The following DISP3 variants were observed in gnomAD, a reference collection of about 807,000 sequenced individuals.
The protein encoded by DISP3 is dispatched RND transporter family member 3.
DISP3 carries 101 observed loss-of-function variants against 135.3 expected under a neutral mutation model. That is an observed-to-expected ratio of 0.75 (90% CI 0.64 to 0.88). DISP3 has a LOEUF of 0.88. DISP3 is among the 40% of genes least tolerant of loss of function. DISP3 has a pLI of 0.00. For synonymous variants in DISP3, 856 were observed against 817.0 expected (o/e 1.05, Z -0.81); for missense variants, 1,713 against 1,878.6 (o/e 0.91, Z 1.63).
At position 11,517,492 on chromosome 1, in the gene DISP3, C is replaced by G. The variant is rs1165117897; in HGVS notation, c.1779C>G (p.Phe593Leu). ...QIPAVHDFGL[F>L]MSLIVSCCWL... is the part of the protein sequence containing the mutation. ...CAGCCGTCCACGACTTTGGCCTGTT[C>G]ATGTCTCTCATCGTGTCCTGTTGCT... Residue 593 changes from phenylalanine to leucine, a missense_variant, in exon 7 of 21, where the codon TTC becomes TTG. Phe to Leu is a conservative substitution (Grantham distance 22, BLOSUM62 0). Coordinates refer to ENST00000294484, the MANE Select transcript of DISP3 (RefSeq NM_020780.2). 1 of 1,614,118 alleles carries G rather than the reference C, an allele frequency of 6.2e-7. No individual in the cohort carries two copies. The highest frequency in any genetic ancestry group is 8.5e-7 in the Non-Finnish European group (1 of 1,180,058).
chr1:11,489,258 A>G (rs2100365702), intron 1 of DISP3, among the ~76,000 whole-genome samples: 1 of 152,322 alleles, frequency 6.6e-6, no homozygotes, highest in South Asian at 2.1e-4. Flanking sequence ...CTTCTGATGT[A>G]TCCTCCAGCT....
At chr1:11,482,581 G>A (rs966210355) in intron 1 of DISP3, among the ~76,000 whole-genome samples, 4 of 152,178 alleles carry the variant, frequency 2.6e-5, no homozygotes, top group Admixed American at 2.6e-4. Flanking sequence ...AGTAGTGATG[G>A]TTGACAATAA....
chr1:11,518,276 C>T (rs1037012620), intron 7 of DISP3, among the ~76,000 whole-genome samples: 3 of 152,148 alleles, frequency 2.0e-5, no homozygotes, highest in East Asian at 1.9e-4. Flanking sequence ...AATGTCCGCT[C>T]GCCCATGGTG....
chr1:11,535,980 C>G (rs1217031961), intron 20 of DISP3, among the ~76,000 whole-genome samples: 1 of 152,166 alleles, frequency 6.6e-6, no homozygotes, highest in African/African-American at 2.4e-5. Flanking sequence ...TGCTCCAGCC[C>G]CTGGTGGCTT....
In DISP3 at chr1:11,535,174, G is replaced by C. The variant is rs77317367; in HGVS notation, c.3649+50G>C. The C allele has an allele frequency of 4.9e-3, 7,411 of 1,517,948 alleles. 58 individuals carry two copies. The highest frequency in any genetic ancestry group is 0.02 in the Middle Eastern group (100 of 5,080). 94.0% of individuals were successfully genotyped at this position (1,517,948 alleles called of 1,614,324 possible). A position where few individuals can be genotyped will look rare whatever the true frequency, so the allele number is the denominator to read the frequency against. On this transcript the variant is annotated intron_variant, in intron 19 of 20. Coordinates refer to ENST00000294484, the MANE Select transcript of DISP3 (RefSeq NM_020780.2). ...CACCCTGCTGGTAGGGACGGGAACA[G>C]ACAGTCTCCCCGGTGGCCCCAGGTA... is the stretch of plus-strand genomic sequence containing the variant.
At chr1:11,524,473 C>T (rs187392553) in intron 11 of DISP3, among the ~76,000 whole-genome samples, 115 of 152,156 alleles carry the variant, frequency 7.6e-4, no homozygotes, top group Admixed American at 1.2e-3. Flanking sequence ...CCACCTCTCT[C>T]CTACTACTGT....
At chr1:11,487,957 A>G (rs1042763778) in intron 1 of DISP3, among the ~76,000 whole-genome samples, 5 of 152,062 alleles carry the variant, frequency 3.3e-5, no homozygotes, top group African/African-American at 1.2e-4. Context: ...CTGGCCCTCT[A>G]TCATGGAATA....
intron 15 of DISP3, among the ~76,000 whole-genome samples, chr1:11,530,423 G>A (rs1216501252): frequency 6.6e-6 from 1 of 152,218 alleles, no homozygotes; most frequent in East Asian, 1.9e-4. Flanking sequence ...GGAAGGACAG[G>A]TGGGTGTCCT....
rs764976665 is a variant in DISP3, at chr1:11,512,356, C to G, written c.1317-2034C>G. On this transcript the variant is annotated intron_variant, in intron 3 of 20. Coordinates refer to ENST00000294484, the MANE Select transcript of DISP3 (RefSeq NM_020780.2). ...ATGCCTTTAACAGCACCCAAGTCAC[C>G]TCTCAAATGCTTTGCTGCTTAGAAA... Among the ~76,000 whole-genome samples the G allele has an allele frequency of 3.9e-5, 6 of 152,276 alleles. No individual in the cohort carries two copies. In the East Asian group the frequency reaches 9.6e-4, roughly 24 times the overall value.
chr1:11,490,414 C>A (rs2100368894), intron 1 of DISP3, among the ~76,000 whole-genome samples: 1 of 152,170 alleles, frequency 6.6e-6, no homozygotes. Context: ...ATTACAGGCA[C>A]CCGCCACCAT....
Position 11,531,822 on chromosome 1 carries a change from G to A in DISP3, c.3375+112G>A. 2 of 1,428,962 alleles carry A rather than the reference G, an allele frequency of 1.4e-6. No homozygotes were observed. The highest frequency in any genetic ancestry group is 1.8e-6 in the Non-Finnish European group (2 of 1,082,718). 88.5% of individuals were successfully genotyped at this position (1,428,962 alleles called of 1,614,324 possible). The stretch of plus-strand genomic sequence containing the variant: ...GGGGGAGATGCTGAGGCCCAGAGAG[G>A]TGGAGTGACTTGCCTGAGGTCACAT... On this transcript the variant is annotated intron_variant, in intron 17 of 20. Transcript: ENST00000294484. This position sits in a 1 kb window ranked among gnomAD's most constrained non-coding sequence, Gnocchi z 5.2.
At chr1:11,521,691 G>C (rs1317908490) in intron 10 of DISP3, among the ~76,000 whole-genome samples, 1 of 151,218 alleles carries the variant, frequency 6.6e-6, no homozygotes. Context: ...AAGAGGAGAG[G>C]TTAACCAGGC....
intron 10 of DISP3, among the ~76,000 whole-genome samples, chr1:11,521,884 G>A (rs2100478967): frequency 6.6e-6 from 1 of 152,274 alleles, no homozygotes; most frequent in East Asian, 1.9e-4. Context: ...CTAGTCACGT[G>A]GTTTAAGTGG....
chr1:11,507,689 C>T (rs1373611164), intron 3 of DISP3, among the ~76,000 whole-genome samples: 2 of 152,174 alleles, frequency 1.3e-5, no homozygotes, highest in East Asian at 1.9e-4. Context: ...CCCTCTAATT[C>T]GATTACTTCA....
rs989551642 is a variant in DISP3 at position 11,516,272 on chromosome 1, C to T, written c.1749+111C>T. 3 of 1,319,704 alleles carry T rather than the reference C, an allele frequency of 2.3e-6. No homozygotes were observed. The highest frequency in any genetic ancestry group is 3.1e-6 in the Non-Finnish European group (3 of 962,758). 81.7% of individuals were successfully genotyped at this position (1,319,704 alleles called of 1,614,324 possible). A position where few individuals can be genotyped will look rare whatever the true frequency, so the allele number is the denominator to read the frequency against. On this transcript the variant is annotated intron_variant, in intron 6 of 20. Coordinates refer to ENST00000294484, the MANE Select transcript of DISP3 (RefSeq NM_020780.2). The surrounding 1 kb of genome is among the most constrained non-coding windows in gnomAD (Gnocchi z 5.1). ...TTGAGTGGCCATATAGCCTTCACCT[C>T]AAGGTACTTGCCCTGGCTCTAGAGT...
rs201892920 is a variant in DISP3 at position 11,530,937 on chromosome 1, C to A, written c.3133C>A (p.Leu1045Ile). 1 of 1,614,036 alleles carries A rather than the reference C, an allele frequency of 6.2e-7. No homozygotes were observed. Among genetic ancestry groups the A allele is most frequent in the Non-Finnish European group, 8.5e-7 (1 of 1,179,988 alleles). The change falls in exon 16 of 21, where the codon CTC becomes ATC. Residue 1045 changes from leucine to isoleucine, a missense_variant. Physicochemically the swap from Leu to Ile is conservative, Grantham distance 5. Coordinates refer to ENST00000294484, the MANE Select transcript of DISP3 (RefSeq NM_020780.2). ...TGTTGTCTACGACAGCAGCTTTGAC[C>A]TCTTCAAGGAAATTGGGCACCTGTG... ...GSVVYDSSFD[L>I]FKEIGHLCHL...
chr1:11,501,567 C>A lies in DISP3; in HGVS notation c.575C>A (p.Ala192Asp). The A allele has an allele frequency of 6.3e-7, 1 of 1,588,514 alleles. No individual in the cohort carries two copies. The highest frequency in any genetic ancestry group is 1.1e-5 in the South Asian group (1 of 88,294). ...GGCCCTTACCGGGACACTTCCGCGG[C>A]TCAAAAGCCCACAGCCAATCGGAGC... The part of the protein sequence containing the change: ...GPGPYRDTSA[A>D]QKPTANRSGR... Residue 192 changes from alanine (A) to aspartate (D), a missense_variant, in exon 2 of 21, where the codon GCT becomes GAT. Around this residue, in one of 2 missense-constraint regions of DISP3, gnomAD observed 571 missense variants for 494.1 expected, o/e 1.16. Transcript: ENST00000294484. The surrounding 1 kb of genome is among the most constrained non-coding windows in gnomAD (Gnocchi z 4.9).
In DISP3 at chr1:11,520,987, T is replaced by C; in HGVS notation, c.2362+139T>C. 3.7e-6 allele frequency: 4 copies of C among 1,071,212 alleles called. No homozygotes were observed. The highest frequency in any genetic ancestry group is 5.2e-6 in the Non-Finnish European group (4 of 766,934). 66.4% of individuals were successfully genotyped at this position (1,071,212 alleles called of 1,614,324 possible). The stretch of plus-strand genomic sequence containing the variant: ...TCCCACTCCCCTCTGAGCCCCCATG[T>C]TCCCACAGTTCATTCAACAGATGCC... On this transcript the variant is annotated intron_variant, in intron 10 of 20. Coordinates refer to ENST00000294484, the MANE Select transcript of DISP3 (RefSeq NM_020780.2). The surrounding 1 kb of genome is among the most constrained non-coding windows in gnomAD (Gnocchi z 4.8).
chr1:11,479,792 G>T (rs1301615694), intron 1 of DISP3, among the ~76,000 whole-genome samples: 1 of 152,222 alleles, frequency 6.6e-6, no homozygotes, highest in Non-Finnish European at 1.5e-5. Flanking sequence ...ATGCTAGAGC[G>T]GAGGGAGGGG....
Sources: allele counts gnomAD v4.1 joint callset (sites outside exome capture counted in the v4.1 genomes callset), GRCh38; gene constraint gnomAD v4.1.1; regional missense constraint gnomAD v4.1.1; non-coding constraint Gnocchi (gnomAD v3.1); transcripts MANE v1.5; gene names NCBI Gene and HGNC (gene_info 2026-07-23, HGNC 2026-07-21).